Variants in SOX6 observed in about 807,000 individuals in gnomAD.
SOX6 encodes transcription factor SOX-6.
Under a neutral mutation model 97.8 loss-of-function variants are expected in SOX6, and 11 were observed. The ratio of observed to expected loss-of-function variants is 0.11; its 90% CI spans 0.07 to 0.19. The LOEUF is 0.19. Ranked by LOEUF, SOX6 falls within the 10% of genes least tolerant of loss-of-function variation. SOX6 has a pLI of 1.00. For missense variants in SOX6, 810 were observed against 1,039.5 expected, an observed-to-expected ratio of 0.78 and a Z score of 3.04; for synonymous variants, 360 against 371.4, an observed-to-expected ratio of 0.97 and a Z score of 0.35.
chr11:16,095,644 T>A (rs1338992058), intron 9 of SOX6, among the ~76,000 whole-genome samples: 1 of 151,856 alleles, frequency 6.6e-6, no homozygotes, highest in Non-Finnish European at 1.5e-5. Flanking sequence ...GGTCAAATAA[T>A]TTTTTAATGT....
intron 4 of SOX6, among the ~76,000 whole-genome samples, chr11:16,518,218 T>G (rs1465383484): frequency 1.3e-5 from 2 of 152,180 alleles, no homozygotes; most frequent in South Asian, 2.1e-4. Flanking sequence ...CAAATAAGAT[T>G]GTTCACTGCT....
intron 3 of SOX6, among the ~76,000 whole-genome samples, chr11:16,256,886 C>A (rs967204226): frequency 2.0e-5 from 3 of 151,608 alleles, no homozygotes; most frequent in East Asian, 1.9e-4. Context: ...GGCTAATATA[C>A]AAAAGTCAAC....
At position 16,426,703 on chromosome 11, in the gene SOX6, A is replaced by G. The variant is rs1451489430; in HGVS notation, c.-5+49612T>C. ...GCCGAGGCGGGCGGATCACGAGGTCAGGAGATCGAGACCATCCCGGCTAAA... is the reference window on the plus strand; with the variant it reads ...GCCGAGGCGGGCGGATCACGAGGTCGGGAGATCGAGACCATCCCGGCTAAA... On this transcript the variant is annotated intron_variant, in intron 1 of 15. Transcript: ENST00000396356. 6.6e-5 allele frequency among the ~76,000 whole-genome samples: 10 copies of G among 151,876 alleles called. No individual in the cohort carries two copies. The East Asian group carries it at 1.7e-3, about 26-fold the overall frequency.
rs150524117 is a variant in SOX6, at chr11:16,096,377, T to C, written c.979-259A>G. On this transcript the variant is annotated intron_variant, in intron 8 of 15. Transcript: ENST00000683767. ...GAAGAGAAGAAATATATTAGGTTTA[T>C]AATAGTGAGGGTTCTTTTTAGACTT... Among the ~76,000 whole-genome samples the C allele has an allele frequency of 9.4e-3, 1,423 of 151,948 alleles. 16 individuals are homozygous for C. Among genetic ancestry groups the C allele is most frequent in the Non-Finnish European group, 0.014 (941 of 67,848 alleles).
At chr11:16,037,312 C>T (rs1443110322) in intron 12 of SOX6, among the ~76,000 whole-genome samples, 1 of 152,110 alleles carries the variant, frequency 6.6e-6, no homozygotes, top group Non-Finnish European at 1.5e-5. Context: ...TGTGGGGTGA[C>T]ATAGCATTAA....
chr11:16,114,079 T>A (rs1849287944), intron 6 of SOX6, among the ~76,000 whole-genome samples: 1 of 152,182 alleles, frequency 6.6e-6, no homozygotes, highest in East Asian at 1.9e-4. Flanking sequence ...TAACACCATA[T>A]GTTAGAGATG....
intron 13 of SOX6, among the ~76,000 whole-genome samples, chr11:16,003,725 G>A (rs1854471707): frequency 6.6e-6 from 1 of 152,038 alleles, no homozygotes; most frequent in Non-Finnish European, 1.5e-5. Flanking sequence ...ATCAGATCTT[G>A]TAGAAATTTA....
At chr11:16,704,472 G>A (rs559351486) in intron 3 of SOX6, among the ~76,000 whole-genome samples, 5 of 152,046 alleles carry the variant, frequency 3.3e-5, no homozygotes, top group Non-Finnish European at 7.4e-5. Context: ...AGGGACTTTG[G>A]TAAACATTTT....
At chr11:16,661,424 C>T (rs1325431868) in intron 3 of SOX6, among the ~76,000 whole-genome samples, 2 of 152,208 alleles carry the variant, frequency 1.3e-5, no homozygotes, top group Admixed American at 6.5e-5. Context: ...ACAACAATCA[C>T]ATTTAAAGTG....
intron 4 of SOX6, among the ~76,000 whole-genome samples, chr11:16,556,113 A>T (rs922441940): frequency 6.6e-6 from 1 of 151,750 alleles, no homozygotes; most frequent in Admixed American, 6.6e-5. Flanking sequence ...TAAATAAATA[A>T]ACAATCATCA....
chr11:16,519,974 T>C (rs1316116779), intron 4 of SOX6, among the ~76,000 whole-genome samples: 1 of 152,220 alleles, frequency 6.6e-6, no homozygotes, highest in Non-Finnish European at 1.5e-5. Flanking sequence ...TTTTCATGTA[T>C]TTTTTGGCCA....
chr11:16,287,310 A>ACG (rs2134252602), intron 3 of SOX6, among the ~76,000 whole-genome samples: 1 of 150,492 alleles, frequency 6.6e-6, no homozygotes, highest in Non-Finnish European at 1.5e-5. Flanking sequence ...ACACACACAC[A>ACG]CACACACACA....
chr11:16,345,018 A>G (rs1856738431), intron 1 of SOX6, among the ~76,000 whole-genome samples: 1 of 151,974 alleles, frequency 6.6e-6, no homozygotes, highest in Non-Finnish European at 1.5e-5. Flanking sequence ...AGCATGAAAA[A>G]TTTAAATGCA....
chr11:16,266,720 T>C (rs2134222421), intron 3 of SOX6, among the ~76,000 whole-genome samples: 1 of 151,710 alleles, frequency 6.6e-6, no homozygotes, highest in African/African-American at 2.4e-5. Flanking sequence ...GAAGGTGGAC[T>C]GTAAGTTGAA....
At chr11:16,135,514 T>C (rs1462180881) in intron 6 of SOX6, among the ~76,000 whole-genome samples, 1 of 152,106 alleles carries the variant, frequency 6.6e-6, no homozygotes, top group African/African-American at 2.4e-5. Flanking sequence ...CCTCATGGGA[T>C]GATTTTGAGG....
intron 3 of SOX6, among the ~76,000 whole-genome samples, chr11:16,235,675 T>C (rs962918016): frequency 6.6e-6 from 1 of 152,160 alleles, no homozygotes; most frequent in Non-Finnish European, 1.5e-5. Context: ...CAATTCTAAA[T>C]GCCTTTTCTC....
At chr11:16,677,387 C>T (rs571475251) in intron 3 of SOX6, among the ~76,000 whole-genome samples, 2 of 151,608 alleles carry the variant, frequency 1.3e-5, no homozygotes, top group South Asian at 4.2e-4. Flanking sequence ...TAAATATTTC[C>T]CTGGTTGCTG....
intron 3 of SOX6, among the ~76,000 whole-genome samples, chr11:16,246,381 GTAT>G (rs1266750119): frequency 6.6e-5 from 10 of 151,416 alleles, no homozygotes; most frequent in African/African-American, 2.4e-4. Context: ...TTTCCATCTA[GTAT>G]TATTTTCTTC....
At chr11:16,157,634 T>A (rs1315457263) in intron 6 of SOX6, among the ~76,000 whole-genome samples, 1 of 152,026 alleles carries the variant, frequency 6.6e-6, no homozygotes, top group African/African-American at 2.4e-5. Context: ...CTTGCTTATA[T>A]CCTTTAAACT....
Sources: gnomAD v4.1 joint callset for allele counts (sites outside exome capture counted in the v4.1 genomes callset) on GRCh38, gnomAD v4.1.1 for gene constraint, MANE v1.5 for transcripts, NCBI Gene and HGNC (gene_info 2026-07-23, HGNC 2026-07-21) for gene names.